Variants in RGS6 observed in about 807,000 individuals in gnomAD.
RGS6 encodes regulator of G protein signaling 6.
In RGS6, 30 loss-of-function variants were observed where a neutral mutation model predicts 78.5. That is an observed-to-expected ratio of 0.38 (90% CI 0.29 to 0.52). The LOEUF (loss-of-function observed/expected upper bound fraction) is 0.52. Ranked by LOEUF, RGS6 falls within the 20% of genes least tolerant of loss-of-function variation. The pLI, the probability that RGS6 is intolerant of heterozygous loss-of-function variation, is 0.85. For missense variants in RGS6, 495 were observed against 609.7 expected (o/e 0.81, Z 1.98); for synonymous variants, 206 against 206.0 (o/e 1.00, Z 0.00).
At chr14:72,118,606 C>A (rs1021285134) in intron 2 of RGS6, among the ~76,000 whole-genome samples, 4 of 152,206 alleles carry the variant, frequency 2.6e-5, no homozygotes, top group Admixed American at 1.3e-4. Flanking sequence ...ACCCAGGTTT[C>A]CAAAATATCT....
chr14:72,179,078 A>T lies in RGS6; in HGVS notation c.85-173017A>T, dbSNP rs1400255877. 2.6e-5 allele frequency among the ~76,000 whole-genome samples: 4 copies of T among 152,338 alleles called. No homozygotes were observed. The East Asian group carries it at 7.7e-4, about 29-fold the overall frequency. On this transcript the variant is annotated intron_variant, in intron 2 of 17. Transcript: ENST00000553525. ...ATAACCAGAAAATCATGAAACAGAA[A>T]TCTGGCCCAAGATTTTCTCTGGAAA...
At chr14:72,211,334 G>A (rs2044099390) in intron 2 of RGS6, among the ~76,000 whole-genome samples, 1 of 152,182 alleles carries the variant, frequency 6.6e-6, no homozygotes, top group Non-Finnish European at 1.5e-5. Flanking sequence ...CTTGAATTTA[G>A]AGACTTGAAG....
At chr14:71,951,049 A>C (rs1216347289) in intron 1 of RGS6, among the ~76,000 whole-genome samples, 1 of 152,196 alleles carries the variant, frequency 6.6e-6, no homozygotes, top group East Asian at 1.9e-4. Context: ...CAGCAATCCC[A>C]TTACAGGGTA....
chr14:72,304,752 G>A (rs1425214205), intron 2 of RGS6, among the ~76,000 whole-genome samples: 1 of 152,032 alleles, frequency 6.6e-6, no homozygotes, highest in Non-Finnish European at 1.5e-5. Context: ...GGTGGCATGT[G>A]TCTGTGGTCC....
chr14:72,216,992 C>A (rs114550087), intron 2 of RGS6, among the ~76,000 whole-genome samples: 3,078 of 152,220 alleles, frequency 0.02, 88 homozygotes, highest in African/African-American at 0.07. Context: ...AAAACAGGCA[C>A]ATTCGGAGGT....
intron 3 of RGS6, among the ~76,000 whole-genome samples, chr14:72,410,138 C>T (rs1597080391): frequency 6.6e-6 from 1 of 152,228 alleles, no homozygotes; most frequent in African/African-American, 2.4e-5. Context: ...GGAATCGCCA[C>T]ACCAACTTCC....
rs758030117 is a variant in RGS6 at position 72,495,143 on chromosome 14, C to T, written c.855-9C>T. ...CAGTGGCATTCTTTGCTCTGCCTCC[C>T]TCCTGCAGTTTAATTGCCTACACGG... is the stretch of plus-strand genomic sequence containing the variant. On this transcript the variant is annotated splice_polypyrimidine_tract_variant and intron_variant, in intron 12 of 17. Coordinates refer to ENST00000553525, the MANE Select transcript of RGS6 (RefSeq NM_001204424.2). 4.9e-5 allele frequency: 76 copies of T among 1,539,096 alleles called. No individual in the cohort carries two copies. Among genetic ancestry groups the T allele is most frequent in the Non-Finnish European group, 6.4e-5 (71 of 1,111,790 alleles).
At chr14:71,883,483 C>G in the RGS6 span, among the ~76,000 whole-genome samples, 1 of 152,214 alleles carries the variant, frequency 6.6e-6, no homozygotes, top group Admixed American at 6.5e-5. Flanking sequence ...TTAGACAACC[C>G]TCAGTGTGGC....
At chr14:72,469,066 C>CCTCA (rs1373954347) in intron 7 of RGS6, among the ~76,000 whole-genome samples, 1 of 152,156 alleles carries the variant, frequency 6.6e-6, no homozygotes, top group Non-Finnish European at 1.5e-5. Context: ...CGCCGCCCAT[C>CCTCA]CTCATGTTCC....
intron 2 of RGS6, among the ~76,000 whole-genome samples, chr14:72,069,106 G>A (rs2094303344): frequency 6.6e-6 from 1 of 151,936 alleles, no homozygotes; most frequent in South Asian, 2.1e-4. Context: ...CGAGTAGCTG[G>A]GATTACAGGT....
At chr14:72,527,179 A>G (rs2097130043) in intron 15 of RGS6, among the ~76,000 whole-genome samples, 1 of 152,238 alleles carries the variant, frequency 6.6e-6, no homozygotes, top group Non-Finnish European at 1.5e-5. Context: ...TGCTAACAGC[A>G]GTGATAGTGA....
chr14:72,367,096 C>G, intron 3 of RGS6, among the ~76,000 whole-genome samples: 1 of 152,134 alleles, frequency 6.6e-6, no homozygotes, highest in East Asian at 1.9e-4. Flanking sequence ...AAGGACAGAA[C>G]CAAGACTGGA....
intron 16 of RGS6, among the ~76,000 whole-genome samples, chr14:72,539,216 C>T (rs999071251): frequency 6.6e-6 from 1 of 152,186 alleles, no homozygotes; most frequent in Non-Finnish European, 1.5e-5. Flanking sequence ...AAGGGCTTTG[C>T]CTCTCCTCGC....
At chr14:71,999,624 C>T (rs192408650) in intron 2 of RGS6, among the ~76,000 whole-genome samples, 1 of 105,110 alleles carries the variant, frequency 9.5e-6, no homozygotes, top group African/African-American at 2.9e-5. Flanking sequence ...GTGGATCCTT[C>T]ATGAATGGTT....
At chr14:71,913,965 C>T in the RGS6 span, among the ~76,000 whole-genome samples, 2 of 152,196 alleles carry the variant, frequency 1.3e-5, no homozygotes, top group African/African-American at 4.8e-5. Flanking sequence ...CATCAAAATC[C>T]AGTGGAACTG....
chr14:71,901,825 A>T, the RGS6 span, among the ~76,000 whole-genome samples: 1 of 152,182 alleles, frequency 6.6e-6, no homozygotes, highest in African/African-American at 2.4e-5. Flanking sequence ...GCTTTAGAGG[A>T]TTACATCTTG....
rs118004536 is a variant in RGS6, at chr14:72,434,925, G to T, written c.185-19603G>T. 3.7e-4 allele frequency among the ~76,000 whole-genome samples: 56 copies of T among 152,286 alleles called. No individual in the cohort carries two copies. In the East Asian group the frequency reaches 9.1e-3, roughly 25 times the overall value. ...TTAACTAGGACAAAAAGAGAACATA[G>T]ATTCTTAGTAGCTTTGCTCATGACC... On this transcript the variant is annotated intron_variant, in intron 3 of 17. Coordinates refer to ENST00000553525, the MANE Select transcript of RGS6 (RefSeq NM_001204424.2).
At chr14:72,357,143 G>A (rs374026507) in intron 3 of RGS6, among the ~76,000 whole-genome samples, 12 of 151,986 alleles carry the variant, frequency 7.9e-5, no homozygotes, top group South Asian at 4.2e-4. Context: ...GTAGTGGCAC[G>A]CACCTGTAAT....
intron 3 of RGS6, among the ~76,000 whole-genome samples, chr14:72,427,976 G>A (rs1246174652): frequency 6.6e-6 from 1 of 152,050 alleles, no homozygotes; most frequent in Admixed American, 6.6e-5. Flanking sequence ...CCCAATTTAG[G>A]TGGCAGAGGT....
Sources: allele counts gnomAD v4.1 joint callset (sites outside exome capture counted in the v4.1 genomes callset), GRCh38; gene constraint gnomAD v4.1.1; transcripts MANE v1.5; gene names NCBI Gene and HGNC (gene_info 2026-07-23, HGNC 2026-07-21).